The following TMC2 variants were observed in gnomAD, a reference collection of about 807,000 sequenced individuals.
The protein encoded by TMC2 is transmembrane channel like 2, also known as transmembrane channel-like protein 2.
Under a neutral mutation model 105.9 loss-of-function variants are expected in TMC2, and 102 were observed. That is an observed-to-expected ratio of 0.96 (90% CI 0.82 to 1.14). The LOEUF is 1.14. Ranked by LOEUF, TMC2 falls within the 50% of genes most tolerant of loss-of-function variation. TMC2 has a pLI of 0.00. For missense variants in TMC2, 1,093 were observed against 1,134.3 expected (o/e 0.96, Z 0.52); for synonymous variants, 402 against 422.8 (o/e 0.95, Z 0.60).
intron 10 of TMC2, 97 bp downstream of exon 10, chr20:2,597,395 C>T: frequency 7.7e-7 from 1 of 1,292,052 alleles, no homozygotes; most frequent in Non-Finnish European, 1.1e-6. Context: ...ATAAGGTCCT[C>T]AAATAATTTG....
intron 12 of TMC2, among the ~76,000 whole-genome samples, chr20:2,611,540 A>G (rs2146237904): frequency 6.6e-6 from 1 of 152,274 alleles, no homozygotes; most frequent in African/African-American, 2.4e-5. Flanking sequence ...GTTTTGGCCC[A>G]GCTGTCACTG....
At chr20:2,610,995 G>A (rs2086433762) in intron 12 of TMC2, among the ~76,000 whole-genome samples, 1 of 152,190 alleles carries the variant, frequency 6.6e-6, no homozygotes, top group South Asian at 2.1e-4. Context: ...CACAATGGCA[G>A]GCCCTGGGGT....
chr20:2,588,443 C>T (rs1183110317), intron 7 of TMC2, among the ~76,000 whole-genome samples: 2 of 152,174 alleles, frequency 1.3e-5, no homozygotes, highest in Non-Finnish European at 2.9e-5. Flanking sequence ...AGACTGCTGA[C>T]CTACAGAACT....
At chr20:2,575,427 T>C (rs538665947) in intron 5 of TMC2, among the ~76,000 whole-genome samples, 40 of 149,130 alleles carry the variant, frequency 2.7e-4, no homozygotes, top group African/African-American at 8.6e-4. Flanking sequence ...TTATCTTCAC[T>C]AGTTATGAAT....
intron 17 of TMC2, among the ~76,000 whole-genome samples, chr20:2,631,289 A>G (rs1043529809): frequency 6.6e-6 from 1 of 152,210 alleles, no homozygotes; most frequent in Non-Finnish European, 1.5e-5. Flanking sequence ...ATAAGACAGG[A>G]GAAAAAAGAG....
chr20:2,630,847 T>C (rs77117476), intron 17 of TMC2, among the ~76,000 whole-genome samples: 17,869 of 152,170 alleles, frequency 0.12, 1,193 homozygotes, highest in Middle Eastern at 0.17. Context: ...AAATAAAATA[T>C]AGTGTGCTTC....
chr20:2,603,374 T>C (rs1412377405), intron 11 of TMC2, among the ~76,000 whole-genome samples: 1 of 152,156 alleles, frequency 6.6e-6, no homozygotes, highest in East Asian at 1.9e-4. Context: ...AAAGGAAATA[T>C]GGCATTGATA....
chr20:2,638,170 T>C (rs1188690973), intron 19 of TMC2, among the ~76,000 whole-genome samples: 1 of 151,676 alleles, frequency 6.6e-6, no homozygotes, highest in Non-Finnish European at 1.5e-5. Flanking sequence ...TGAAACCCTA[T>C]CTCTACTAAA....
chr20:2,546,671 T>A (rs953558517), intron 2 of TMC2, among the ~76,000 whole-genome samples: 5 of 152,170 alleles, frequency 3.3e-5, no homozygotes, highest in African/African-American at 1.2e-4. Flanking sequence ...AGCATGTTAG[T>A]CATTACCTAA....
intron 2 of TMC2, among the ~76,000 whole-genome samples, chr20:2,553,525 A>G (rs1016249469): frequency 8.7e-6 from 1 of 115,260 alleles, no homozygotes; most frequent in African/African-American, 3.4e-5. Context: ...TATGTTTATA[A>G]GAGATACAGG....
At position 2,536,611 on chromosome 20, in the gene TMC2, T is replaced by A; in HGVS notation, c.-11T>A. On this transcript the variant is annotated 5_prime_UTR_variant, in exon 1 of 20. Coordinates refer to ENST00000358864, the MANE Select transcript of TMC2 (RefSeq NM_080751.3). ...GTGAGCCTGTGCAGGACCCCAGCAG[T>A]GCTGCTGACCATGAGCCACCAGGTA... 1 of 1,569,696 alleles carries A rather than the reference T, an allele frequency of 6.4e-7. No individual in the cohort carries two copies.
intron 11 of TMC2, among the ~76,000 whole-genome samples, chr20:2,604,692 C>T (rs76982524): frequency 0.024 from 3,666 of 152,162 alleles, 149 homozygotes; most frequent in African/African-American, 0.081. Flanking sequence ...AACTTTCAGC[C>T]GTATCCCGTC....
intron 5 of TMC2, among the ~76,000 whole-genome samples, chr20:2,573,598 TTG>T (rs2086119187): frequency 6.7e-6 from 1 of 148,494 alleles, no homozygotes; most frequent in African/African-American, 2.5e-5. Context: ...TCTCACTCTG[TTG>T]CCCAAGCTGG....
intron 17 of TMC2, among the ~76,000 whole-genome samples, chr20:2,626,712 C>T (rs1191005027): frequency 6.6e-6 from 1 of 152,204 alleles, no homozygotes; most frequent in Non-Finnish European, 1.5e-5. Flanking sequence ...TGACCTTACT[C>T]CTACAATGTG....
At chr20:2,607,974 A>G (rs1013569407) in intron 11 of TMC2, among the ~76,000 whole-genome samples, 2 of 152,116 alleles carry the variant, frequency 1.3e-5, no homozygotes, top group Non-Finnish European at 2.9e-5. Flanking sequence ...AATACAAAAA[A>G]TTAGCTGGGC....
At chr20:2,587,604 T>C (rs1008130022) in intron 7 of TMC2, among the ~76,000 whole-genome samples, 13 of 152,232 alleles carry the variant, frequency 8.5e-5, no homozygotes, top group African/African-American at 3.1e-4. Flanking sequence ...TTTAAAAATG[T>C]ACTTCTTTTA....
intron 11 of TMC2, 112 bp downstream of exon 11, chr20:2,602,413 A>C: frequency 1.3e-6 from 1 of 765,180 alleles, no homozygotes; most frequent in Non-Finnish European, 1.9e-6. Context: ...TTGTTTTAAT[A>C]AGTGAAATTA....
At chr20:2,625,282 G>A (rs1023093636) in intron 17 of TMC2, among the ~76,000 whole-genome samples, 7 of 152,076 alleles carry the variant, frequency 4.6e-5, no homozygotes, top group Non-Finnish European at 1.0e-4. Flanking sequence ...ACGATCACAA[G>A]ATTCAACAGA....
chr20:2,588,936 T>C (rs1176591369), intron 7 of TMC2, among the ~76,000 whole-genome samples: 1 of 152,168 alleles, frequency 6.6e-6, no homozygotes, highest in African/African-American at 2.4e-5. Context: ...TTCCATTTGA[T>C]TGTTTTTATA....
Sources: gnomAD v4.1 joint callset for allele counts (sites outside exome capture counted in the v4.1 genomes callset) on GRCh38, gnomAD v4.1.1 for gene constraint, MANE v1.5 for transcripts, NCBI Gene and HGNC (gene_info 2026-07-23, HGNC 2026-07-21) for gene names.